Variants in ADGRL3 observed in about 807,000 individuals in gnomAD.
ADGRL3 encodes the protein adhesion G protein-coupled receptor L3.
In ADGRL3, 62 loss-of-function variants were observed where a neutral mutation model predicts 153.5. That is an observed-to-expected ratio of 0.40 (90% CI 0.33 to 0.50). ADGRL3 has a LOEUF of 0.50. Among genes scored for constraint, ADGRL3 ranks in the 20% least tolerant of loss-of-function variants. ADGRL3 has a pLI of 0.47. For missense variants in ADGRL3, 1,641 were observed against 1,859.4 expected, an observed-to-expected ratio of 0.88 and a Z score of 2.16; for synonymous variants, 710 against 672.5, an observed-to-expected ratio of 1.06 and a Z score of -0.86.
At chr4:61,507,934 C>T (rs890264710) in intron 3 of ADGRL3, among the ~76,000 whole-genome samples, 4 of 152,114 alleles carry the variant, frequency 2.6e-5, no homozygotes, top group African/African-American at 9.7e-5. Flanking sequence ...TAATTTACAA[C>T]ATTCTGAAAG....
chr4:61,946,701 T>G (rs1019315405), intron 15 of ADGRL3, among the ~76,000 whole-genome samples: 2 of 152,170 alleles, frequency 1.3e-5, no homozygotes, highest in Non-Finnish European at 2.9e-5. Flanking sequence ...TGGAGTGAGA[T>G]AGGGATTGAG....
In ADGRL3 at chr4:61,983,734, GT is replaced by G. The variant is rs1250984631; in HGVS notation, c.3236+133del. 1.1e-5 allele frequency: 8 copies of G among 749,962 alleles called. No homozygotes were observed. The African/African-American group carries it at 1.4e-4, about 13-fold the overall frequency. The allele number at this position is 749,962 out of a possible 1,614,324, so 46.5% of individuals were successfully genotyped here. ...GCAAATGTGTATAATTCAATCCATG[GT>G]TATACTTTGGTTATGATGTAAAAAG... On this transcript the variant is annotated intron_variant, in intron 19 of 26. Coordinates refer to ENST00000683033, the MANE Select transcript of ADGRL3 (RefSeq NM_001387552.1).
intron 17 of ADGRL3, among the ~76,000 whole-genome samples, chr4:61,975,447 C>T (rs1260013114): frequency 1.3e-5 from 2 of 152,108 alleles, no homozygotes; most frequent in African/African-American, 2.4e-5. Flanking sequence ...TGAACTGAGG[C>T]ACTGAAGGAA....
rs1248221045 is a variant in ADGRL3 at position 62,071,717 on chromosome 4, CCTTT to C, written c.*813_*816del. The C allele has an allele frequency of 9.4e-6, 4 of 424,654 alleles. No individual in the cohort carries two copies. Among genetic ancestry groups the C allele is most frequent in the African/African-American group, 6.3e-5 (3 of 47,820 alleles). 26.3% of individuals were successfully genotyped at this position (424,654 alleles called of 1,614,324 possible). A position where few individuals can be genotyped will look rare whatever the true frequency, so the allele number is the denominator to read the frequency against. ...ACCAGTAAGAGAGCAAAGTTTCCTT[CCTTT>C]CTTCTCTTTCTTCATTTTCTTTTTT... is the stretch of plus-strand genomic sequence containing the variant. On this transcript the variant is annotated 3_prime_UTR_variant, in exon 27 of 27. Coordinates refer to ENST00000683033, the MANE Select transcript of ADGRL3 (RefSeq NM_001387552.1).
At chr4:61,567,708 T>G (rs1283717302) in intron 4 of ADGRL3, among the ~76,000 whole-genome samples, 1 of 152,100 alleles carries the variant, frequency 6.6e-6, no homozygotes, top group East Asian at 1.9e-4. Flanking sequence ...CACAACCCTT[T>G]CCTCCAAACA....
At chr4:61,401,076 TAAAA>T (rs796155996) in intron 2 of ADGRL3, among the ~76,000 whole-genome samples, 5 of 138,402 alleles carry the variant, frequency 3.6e-5, no homozygotes, top group Non-Finnish European at 6.6e-5. Context: ...TTTTTTTTTT[TAAAA>T]AAAAGATTTT....
At chr4:62,024,855 G>C (rs1581936631) in intron 21 of ADGRL3, among the ~76,000 whole-genome samples, 1 of 151,416 alleles carries the variant, frequency 6.6e-6, no homozygotes, top group Admixed American at 6.6e-5. Flanking sequence ...GTGTGAACCC[G>C]GGAGGTGGAG....
At chr4:62,002,205 T>G (rs1332095040) in intron 21 of ADGRL3, among the ~76,000 whole-genome samples, 1 of 149,542 alleles carries the variant, frequency 6.7e-6, no homozygotes, top group Non-Finnish European at 1.5e-5. Context: ...AAGAGCCCAT[T>G]ACTCTTAACT....
At chr4:61,636,081 C>A (rs998600553) in intron 5 of ADGRL3, among the ~76,000 whole-genome samples, 1 of 152,098 alleles carries the variant, frequency 6.6e-6, no homozygotes, top group Non-Finnish European at 1.5e-5. Flanking sequence ...GGATACAATT[C>A]ACCTCCTAAC....
intron 1 of ADGRL3, among the ~76,000 whole-genome samples, chr4:61,362,863 GA>G (rs1053253974): frequency 6.6e-6 from 1 of 151,228 alleles, no homozygotes; most frequent in Non-Finnish European, 1.5e-5. Context: ...ATATGATTTT[GA>G]AAAAAAACCT....
rs2096792762 is a variant in ADGRL3, at chr4:61,390,763, C to G, written c.-174+7574C>G. 5.9e-5 allele frequency among the ~76,000 whole-genome samples: 9 copies of G among 152,132 alleles called. No individual in the cohort carries two copies. The South Asian group carries it at 1.9e-3, about 32-fold the overall frequency. On this transcript the variant is annotated intron_variant, in intron 2 of 26. Transcript: ENST00000683033. ...GTAGAGAATTGTGTAATTTTTACCA[C>G]AATTAGGATACAAAACAGTTTTATC...
chr4:61,615,552 G>T (rs2091901891), intron 5 of ADGRL3, among the ~76,000 whole-genome samples: 1 of 149,992 alleles, frequency 6.7e-6, no homozygotes, highest in Admixed American at 6.7e-5. Context: ...GTGTGAGAAA[G>T]AATTTTATAC....
intron 3 of ADGRL3, among the ~76,000 whole-genome samples, chr4:61,504,058 T>A (rs956527840): frequency 4.6e-5 from 7 of 152,172 alleles, no homozygotes; most frequent in Non-Finnish European, 1.0e-4. Context: ...AGTGGCATAA[T>A]CAGAGCCCAC....
At chr4:61,343,097 C>G (rs2095838705) in intron 1 of ADGRL3, among the ~76,000 whole-genome samples, 1 of 152,134 alleles carries the variant, frequency 6.6e-6, no homozygotes, top group Admixed American at 6.5e-5. Flanking sequence ...TATGGAGAAA[C>G]TGCCTCCATG....
At chr4:61,867,405 C>T (rs1053343886) in intron 9 of ADGRL3, among the ~76,000 whole-genome samples, 4 of 150,384 alleles carry the variant, frequency 2.7e-5, no homozygotes, top group Admixed American at 6.6e-5. Flanking sequence ...GAATCTGAGG[C>T]GGGAGGATCA....
chr4:61,899,346 T>C (rs2098650672), intron 11 of ADGRL3, among the ~76,000 whole-genome samples: 1 of 152,158 alleles, frequency 6.6e-6, no homozygotes, highest in Non-Finnish European at 1.5e-5. Flanking sequence ...TTTCTGCAAC[T>C]GATTTTTTTC....
At chr4:61,653,098 A>G (rs1442025028) in intron 5 of ADGRL3, among the ~76,000 whole-genome samples, 1 of 149,318 alleles carries the variant, frequency 6.7e-6, no homozygotes, top group Non-Finnish European at 1.5e-5. Flanking sequence ...ATACAATAGG[A>G]TTAGTGGCCT....
chr4:61,481,748 T>G (rs1054028163), intron 2 of ADGRL3, among the ~76,000 whole-genome samples: 1 of 151,998 alleles, frequency 6.6e-6, no homozygotes, highest in East Asian at 1.9e-4. Context: ...AAGAAGGAAC[T>G]GTTTTCACAA....
chr4:61,349,054 T>G (rs193121786), intron 1 of ADGRL3, among the ~76,000 whole-genome samples: 1 of 152,090 alleles, frequency 6.6e-6, no homozygotes, highest in Non-Finnish European at 1.5e-5. Context: ...TATATTTAAT[T>G]TAACTGCCTT....
Sources: allele counts gnomAD v4.1 joint callset (sites outside exome capture counted in the v4.1 genomes callset), GRCh38; gene constraint gnomAD v4.1.1; transcripts MANE v1.5; gene names NCBI Gene and HGNC (gene_info 2026-07-23, HGNC 2026-07-21).